NCKAP5L: variants seen among roughly 807,000 people sequenced by gnomAD.
NCKAP5L encodes nck-associated protein 5-like.
A neutral mutation model predicts 103.2 loss-of-function variants in NCKAP5L; 54 were observed. The observed-to-expected ratio is 0.52, with a 90% CI of 0.42 to 0.66. The LOEUF is 0.66. Among genes scored for constraint, NCKAP5L ranks in the 30% least tolerant of loss-of-function variants. The pLI is 0.00. For missense variants in NCKAP5L, 1,733 were observed against 1,750.6 expected, an observed-to-expected ratio of 0.99 and a Z score of 0.18; for synonymous variants, 762 against 748.6, an observed-to-expected ratio of 1.02 and a Z score of -0.29.
chr12:49,796,395 G>C lies in NCKAP5L; in HGVS notation c.1465C>G (p.Arg489Gly), dbSNP rs753791321. The C allele has an allele frequency of 6.3e-7, 1 of 1,579,682 alleles. No individual in the cohort carries two copies. Among genetic ancestry groups the C allele is most frequent in the South Asian group, 1.2e-5 (1 of 85,562 alleles). Residue 489 changes from arginine (R) to glycine (G), a missense_variant, in exon 8 of 13, where the codon CGG becomes GGG. Arg to Gly is a moderately radical substitution (Grantham distance 125). Coordinates refer to ENST00000335999, the MANE Select transcript of NCKAP5L (RefSeq NM_001037806.4). Reference sequence around the variant, plus strand: ...GGGCTGCCGTCTGAGCCACTGTTCCGACAGGGGATTCGCGAGTTCCGGGGG... The same window carrying C: ...GGGCTGCCGTCTGAGCCACTGTTCCCACAGGGGATTCGCGAGTTCCGGGGG... The part of the protein sequence containing the change: ...QLPRNSRIPC[R>G]NSGSDGSPSP...
At position 49,802,939 on chromosome 12, in the gene NCKAP5L, G is replaced by C. The variant is rs777383166; in HGVS notation, c.231+19C>G. On this transcript the variant is annotated intron_variant, in intron 5 of 12. Transcript: ENST00000335999. ...CTGCTGTGCCCAGGGCTTCTCCCCA[G>C]GGTGTCTGGGTTACTCACCTTCTGG... 14 of 1,612,216 alleles carry C rather than the reference G, an allele frequency of 8.7e-6. No individual in the cohort carries two copies. The highest frequency in any genetic ancestry group is 1.2e-5 in the Non-Finnish European group (14 of 1,179,208).
At chr12:49,828,149 GGGAGGGAC>G (rs1345268237) in intron 1 of NCKAP5L, among the ~76,000 whole-genome samples, 165 bp downstream of exon 1, 4 of 151,694 alleles carry the variant, frequency 2.6e-5, no homozygotes, top group Non-Finnish European at 5.9e-5. Context: ...TGCGGCTGGA[GGGAGGGAC>G]GGAGGGGCGG....
rs1207742828 is a variant in NCKAP5L at position 49,797,079 on chromosome 12, A to G, written c.781T>C (p.Leu261=). ...TCCTCTTCCCCTCCCAGACCCCCCAAGAGGCGCTCCCAGTGCAGCAGGCCT... is the reference window on the plus strand; with the variant it reads ...TCCTCTTCCCCTCCCAGACCCCCCAGGAGGCGCTCCCAGTGCAGCAGGCCT... The part of the protein sequence containing the change: ...LGGLLHWERL[L]GGLGGEEDTG... Residue 261 remains leucine (L), a synonymous_variant, in exon 8 of 13, where the codon TTG becomes CTG. Transcript: ENST00000335999. This position sits in a 1 kb window ranked among gnomAD's most constrained non-coding sequence, Gnocchi z 4.5. 18 of 1,581,016 alleles carry G rather than the reference A, an allele frequency of 1.1e-5. No individual in the cohort carries two copies. The highest frequency in any genetic ancestry group is 1.5e-5 in the Non-Finnish European group (17 of 1,164,052).
intron 1 of NCKAP5L, among the ~76,000 whole-genome samples, chr12:49,817,518 C>G (rs1446610290): frequency 6.6e-6 from 1 of 152,056 alleles, no homozygotes; most frequent in African/African-American, 2.4e-5. Flanking sequence ...AAAGTTTGTT[C>G]TTGAGCAAAA....
chr12:49,795,271 T>C lies in NCKAP5L; in HGVS notation c.2589A>G (p.Leu863=), dbSNP rs780295044. The change falls in exon 8 of 13, where the codon CTA becomes CTG. Residue 863 remains leucine, a synonymous_variant. Transcript: ENST00000335999. ...CGSTTAQSTP[L]VPGPTDPSQG... ...GACTTGGGTCAGTGGGGCCAGGTAC[T>C]AGGGGTGTGGACTGGGCCGTGGTAC... 3 of 1,540,598 alleles carry C rather than the reference T, an allele frequency of 1.9e-6. No homozygotes were observed. The highest frequency in any genetic ancestry group is 2.5e-5 in the South Asian group (2 of 78,574).
At chr12:49,811,430 C>G (rs897370216) in intron 1 of NCKAP5L, among the ~76,000 whole-genome samples, 3 of 152,088 alleles carry the variant, frequency 2.0e-5, no homozygotes, top group African/African-American at 7.2e-5. Flanking sequence ...CTCCTGCCGC[C>G]ACCCTCCCAT....
At position 49,796,131 on chromosome 12, in the gene NCKAP5L, A is replaced by T. The variant is rs1237418242; in HGVS notation, c.1729T>A (p.Ser577Thr). 6.2e-7 allele frequency: 1 copy of T among 1,611,406 alleles called. No individual in the cohort carries two copies. The highest frequency in any genetic ancestry group is 2.2e-5 in the East Asian group (1 of 44,868). The change falls in exon 8 of 13, where the codon TCC becomes ACC. Residue 577 changes from serine (S) to threonine (T), a missense_variant. Physicochemically the swap from Ser to Thr is moderately conservative, Grantham distance 58 (BLOSUM62 1). Coordinates refer to ENST00000335999, the MANE Select transcript of NCKAP5L (RefSeq NM_001037806.4). ...GGGTAGGTGGGCACCTGCAGTGGGGATGGAGGTGGCTCTGGGGAAGGCCCC... is the reference window on the plus strand; with the variant it reads ...GGGTAGGTGGGCACCTGCAGTGGGGTTGGAGGTGGCTCTGGGGAAGGCCCC... ...FRGPSPEPPP[S>T]PLQVPTYPQL...
Position 49,791,728 on chromosome 12 carries a change from C to T in NCKAP5L, c.*111G>A, listed in dbSNP as rs1030654479. The T allele has an allele frequency of 4.2e-5, 38 of 906,142 alleles. No homozygotes were observed. Among genetic ancestry groups the T allele is most frequent in the Non-Finnish European group, 6.0e-5 (37 of 618,812 alleles). The allele number at this position is 906,142 out of a possible 1,614,324, so 56.1% of individuals were successfully genotyped here. On this transcript the variant is annotated 3_prime_UTR_variant, in exon 13 of 13. Transcript: ENST00000335999. ...CCCTTTTCACCTTCTTATCCACCTG[C>T]CTCCTTGGTCCCTTCAGGGAGGGGT...
chr12:49,795,682 C>T lies in NCKAP5L; in HGVS notation c.2178G>A (p.Arg726=). 1.9e-6 allele frequency: 3 copies of T among 1,612,756 alleles called. No individual in the cohort carries two copies. The highest frequency in any genetic ancestry group is 8.5e-7 in the Non-Finnish European group (1 of 1,179,418). ...LEQLEAKGGI[R]GAVALGTNSL... The stretch of plus-strand genomic sequence containing the variant: ...TGTTTGTGCCCAAGGCCACTGCCCC[C>T]CGTATCCCCCCCTTGGCTTCTAGCT... Residue 726 remains arginine, a synonymous_variant, in exon 8 of 13, where the codon CGG becomes CGA. Transcript: ENST00000335999.
At chr12:49,827,195 T>C in intron 1 of NCKAP5L, among the ~76,000 whole-genome samples, 1 of 152,186 alleles carries the variant, frequency 6.6e-6, no homozygotes, top group Non-Finnish European at 1.5e-5. Context: ...ATTGACACTC[T>C]TTCTACTGCT....
rs756101232 is a variant in NCKAP5L at position 49,798,477 on chromosome 12, G to C, written c.352-14C>G. The C allele has an allele frequency of 4.5e-6, 7 of 1,555,696 alleles. No homozygotes were observed. The highest frequency in any genetic ancestry group is 2.4e-5 in the East Asian group (1 of 42,004). Reference sequence around the variant, plus strand: ...AGTGAGTGGGATCTGCAGAGGGAGAGGCAGAGTTAGCACAGTAGCTGTCTG... The same window carrying C: ...AGTGAGTGGGATCTGCAGAGGGAGACGCAGAGTTAGCACAGTAGCTGTCTG... On this transcript the variant is annotated splice_polypyrimidine_tract_variant and intron_variant, in intron 6 of 12. Coordinates refer to ENST00000335999, the MANE Select transcript of NCKAP5L (RefSeq NM_001037806.4).
In NCKAP5L at chr12:49,809,009, C is replaced by T. The variant is rs151095522; in HGVS notation, c.-98-2968G>A. 1.7e-3 allele frequency among the ~76,000 whole-genome samples: 256 copies of T among 151,890 alleles called. 1 individual carries two copies. Among genetic ancestry groups the T allele is most frequent in the African/African-American group, 5.5e-3 (229 of 41,400 alleles). On this transcript the variant is annotated intron_variant, in intron 1 of 12. Transcript: ENST00000335999. ...GGGAGAGAAGGAGGGGGGAGAAGAG[C>T]GGAGTCCTCTCTGGCTCGTCCTTCA...
At chr12:49,801,807 G>A (rs776703246) in intron 6 of NCKAP5L, 41 bp downstream of exon 6, 10 of 1,609,668 alleles carry the variant, frequency 6.2e-6, no homozygotes, top group Non-Finnish European at 8.5e-6. Flanking sequence ...CGAGGAGGCA[G>A]GAGGCAGTGC....
chr12:49,795,030 C>T lies in NCKAP5L; in HGVS notation c.2830G>A (p.Ala944Thr), dbSNP rs759981691. 1.2e-6 allele frequency: 2 copies of T among 1,608,576 alleles called. No individual in the cohort carries two copies. Among genetic ancestry groups the T allele is most frequent in the African/African-American group, 1.3e-5 (1 of 74,824 alleles). The change falls in exon 8 of 13, where the codon GCT (alanine) becomes ACT (threonine). Residue 944 changes from alanine (A) to threonine (T), a missense_variant. Transcript: ENST00000335999. ...CTCCGGAGCGGGGAGCCCCCGCCAG[C>T]CCCCTCCTTGTTCTTGGTGGCCTCT... ...RTEATKNKEG[A>T]GGGSPLRREV...
Position 49,796,555 on chromosome 12 carries a change from T to C in NCKAP5L, c.1305A>G (p.Gln435=), listed in dbSNP as rs748965393. The C allele has an allele frequency of 1.9e-6, 3 of 1,596,554 alleles. No individual in the cohort carries two copies. Among genetic ancestry groups the C allele is most frequent in the Non-Finnish European group, 2.6e-6 (3 of 1,172,480 alleles). The part of the protein sequence containing the change: ...HSSSQVKSKL[Q]IGPPSPGEAQ... The stretch of plus-strand genomic sequence containing the variant: ...CTTCCCCAGGAGAAGGGGGGCCAAT[T>C]TGGAGCTTGCTTTTCACCTGAGATG... The change falls in exon 8 of 13, where the codon CAA becomes CAG. Residue 435 remains glutamine (Q), a synonymous_variant. Coordinates refer to ENST00000335999, the MANE Select transcript of NCKAP5L (RefSeq NM_001037806.4).
rs1946022277 is a variant in NCKAP5L, at chr12:49,795,547, G to A, written c.2313C>T (p.Cys771=). The A allele has an allele frequency of 6.5e-7, 1 of 1,536,564 alleles. No homozygotes were observed. The highest frequency in any genetic ancestry group is 2.3e-5 in the East Asian group (1 of 44,314). ...VDLEPVSPRS[C]LTKVELAKSR... is the part of the protein sequence containing the mutation. ...TCTTGGCCAGCTCCACTTTGGTGAGGCAGCTCCTTGGTGAGACAGGCTCCA... is the reference window on the plus strand; with the variant it reads ...TCTTGGCCAGCTCCACTTTGGTGAGACAGCTCCTTGGTGAGACAGGCTCCA... The change falls in exon 8 of 13, where the codon TGC becomes TGT. Residue 771 remains cysteine (C), a synonymous_variant. Transcript: ENST00000335999.
rs1946231954 is a variant in NCKAP5L, at chr12:49,810,821, C to A, written c.-98-4780G>T. ...TGATGGGTTTATTGCTATTTTTAAACAAATTAATTAAATAACTGTAAGTAT... is the reference window on the plus strand; with the variant it reads ...TGATGGGTTTATTGCTATTTTTAAAAAAATTAATTAAATAACTGTAAGTAT... On this transcript the variant is annotated intron_variant, in intron 1 of 12. Coordinates refer to ENST00000335999, the MANE Select transcript of NCKAP5L (RefSeq NM_001037806.4). Among the ~76,000 whole-genome samples the A allele has an allele frequency of 2.0e-5, 3 of 152,068 alleles. No individual in the cohort carries two copies. In the South Asian group the frequency reaches 6.2e-4, roughly 31 times the overall value.
chr12:49,796,256 A>C lies in NCKAP5L; in HGVS notation c.1604T>G (p.Leu535Arg). Residue 535 changes from leucine to arginine, a missense_variant, in exon 8 of 13, where the codon CTC (leucine) becomes CGC (arginine). By Grantham distance (102) the Leu-to-Arg change is moderately radical. Coordinates refer to ENST00000335999, the MANE Select transcript of NCKAP5L (RefSeq NM_001037806.4). ...PCYTTPDSTQ[L>R]RPPQSALSTT... ...GGACAAGGCTGACTGCGGGGGTCTG[A>C]GCTGTGTGGAGTCTGGGGTTGTGTA... 1 of 1,563,538 alleles carries C rather than the reference A, an allele frequency of 6.4e-7. No individual in the cohort carries two copies. The highest frequency in any genetic ancestry group is 8.7e-7 in the Non-Finnish European group (1 of 1,154,938).
chr12:49,795,308 G>A lies in NCKAP5L; in HGVS notation c.2552C>T (p.Ala851Val). The change falls in exon 8 of 13, where the codon GCA becomes GTA. Residue 851 changes from alanine to valine, a missense_variant. By Grantham distance (64) the Ala-to-Val change is moderately conservative. Coordinates refer to ENST00000335999, the MANE Select transcript of NCKAP5L (RefSeq NM_001037806.4). ...CTGGGCCGTGGTACTACCACAGTCT[G>A]CCCAGGGAGGGCCCTTCCCTTTGTC... ...KPDKGKGPPW[A>V]DCGSTTAQST... 23 of 1,529,764 alleles carry A rather than the reference G, an allele frequency of 1.5e-5. No homozygotes were observed. Among genetic ancestry groups the A allele is most frequent in the Non-Finnish European group, 2.0e-5 (23 of 1,141,782 alleles). 94.8% of individuals were successfully genotyped at this position (1,529,764 alleles called of 1,614,324 possible). A position where few individuals can be genotyped will look rare whatever the true frequency, so the allele number is the denominator to read the frequency against.
Sources: gnomAD v4.1 joint callset for allele counts (sites outside exome capture counted in the v4.1 genomes callset) on GRCh38, gnomAD v4.1.1 for gene constraint, Gnocchi (gnomAD v3.1) non-coding constraint, MANE v1.5 for transcripts, NCBI Gene and HGNC (gene_info 2026-07-23, HGNC 2026-07-21) for gene names.